The following TANC2 variants were observed in gnomAD, a reference collection of about 807,000 sequenced individuals.
The protein encoded by TANC2 is tetratricopeptide repeat, ankyrin repeat and coiled-coil containing 2.
TANC2 carries 26 observed loss-of-function variants against 210.5 expected under a neutral mutation model. The ratio of observed to expected loss-of-function variants is 0.12; its 90% CI spans 0.09 to 0.17. The LOEUF (loss-of-function observed/expected upper bound fraction) is 0.17, where lower values mean the gene tolerates loss of function less well. Ranked by LOEUF, TANC2 falls within the 10% of genes least tolerant of loss-of-function variation. The pLI is 1.00. For missense variants in TANC2, 2,129 were observed against 2,608.9 expected (o/e 0.82, Z 4.01); for synonymous variants, 931 against 967.1 (o/e 0.96, Z 0.69).
intron 2 of TANC2, among the ~76,000 whole-genome samples, chr17:63,044,091 A>C (rs2035290480): frequency 6.6e-6 from 1 of 152,054 alleles, no homozygotes; most frequent in Non-Finnish European, 1.5e-5. Flanking sequence ...AATTTTCTTA[A>C]ATGTTCATCT....
intron 3 of TANC2, 27 bp from the exon 4 acceptor site, chr17:63,099,148 C>T (rs377375861): frequency 9.7e-5 from 155 of 1,604,674 alleles, no homozygotes; most frequent in Middle Eastern, 5.0e-4. Flanking sequence ...TTCTCACCAG[C>T]TCTTTTGTTC....
intron 3 of TANC2, among the ~76,000 whole-genome samples, chr17:63,087,259 A>G (rs1174109272): frequency 4.6e-5 from 7 of 152,164 alleles, no homozygotes; most frequent in Non-Finnish European, 7.3e-5. Context: ...AAAGGTAGAC[A>G]TGATGTTTTG....
At chr17:63,099,043 G>T in intron 3 of TANC2, 132 bp from the exon 4 acceptor site, 1 of 855,844 alleles carries the variant, frequency 1.2e-6, no homozygotes, top group East Asian at 2.7e-5. Flanking sequence ...AGAAATGAAT[G>T]CATGTAGTGA....
intron 15 of TANC2, among the ~76,000 whole-genome samples, chr17:63,383,846 T>A (rs911337169): frequency 6.6e-6 from 1 of 152,176 alleles, no homozygotes; most frequent in Non-Finnish European, 1.5e-5. Flanking sequence ...ATCAGTAGTA[T>A]TTTTGAAAAG....
At chr17:63,060,469 A>G (rs1255039564) in intron 2 of TANC2, among the ~76,000 whole-genome samples, 1 of 151,994 alleles carries the variant, frequency 6.6e-6, no homozygotes, top group Non-Finnish European at 1.5e-5. Flanking sequence ...AGAAATACAA[A>G]AATTAGCTGG....
intron 5 of TANC2, among the ~76,000 whole-genome samples, chr17:63,165,275 TA>T (rs111828360): frequency 7.3e-5 from 11 of 149,960 alleles, no homozygotes; most frequent in African/African-American, 2.5e-4. Context: ...AGACCCTATT[TA>T]AAAAAAAAAG....
chr17:63,300,676 T>G (rs1363100012), intron 9 of TANC2, among the ~76,000 whole-genome samples: 1 of 152,194 alleles, frequency 6.6e-6, no homozygotes, highest in African/African-American at 2.4e-5. Context: ...AAGGAGTTTT[T>G]GGGCTGAGAT....
Position 63,418,989 on chromosome 17 carries a change from C to T in TANC2, c.4268+582C>T, listed in dbSNP as rs1009058334. 3.9e-5 allele frequency among the ~76,000 whole-genome samples: 6 copies of T among 152,190 alleles called. No individual in the cohort carries two copies. The highest frequency in any genetic ancestry group is 3.9e-4 in the Admixed American group (6 of 15,272). On this transcript the variant is annotated intron_variant, in intron 27 of 27. Transcript: ENST00000689528. The surrounding 1 kb of genome is among the most constrained non-coding windows in gnomAD (Gnocchi z 4.6). ...GAGGACCCTCTAAGAGAACACCATT[C>T]CACATTCCTTGTGCCCATCTGCTTT...
intron 14 of TANC2, among the ~76,000 whole-genome samples, chr17:63,363,627 C>CAA (rs2047026222): frequency 6.6e-6 from 1 of 152,164 alleles, no homozygotes; most frequent in Admixed American, 6.5e-5. Context: ...GTCCTTTCCC[C>CAA]AAAGTATGTT....
At chr17:63,248,147 T>A (rs1166181944) in intron 8 of TANC2, among the ~76,000 whole-genome samples, 1 of 152,080 alleles carries the variant, frequency 6.6e-6, no homozygotes, top group South Asian at 2.1e-4. Context: ...AATTAAATTT[T>A]CTCGTCTCAG....
At chr17:63,073,954 G>A (rs764916506) in exon 3 of TANC2, 1 of 1,585,806 alleles carries the variant, frequency 6.3e-7, no homozygotes, top group Non-Finnish European at 8.6e-7. Flanking sequence ...TGGAGGGAGC[G>A]AGGAACCACC....
At chr17:63,064,554 T>G (rs1264435784) in intron 2 of TANC2, among the ~76,000 whole-genome samples, 1 of 152,216 alleles carries the variant, frequency 6.6e-6, no homozygotes, top group Non-Finnish European at 1.5e-5. Flanking sequence ...TCTCTTAAGC[T>G]TGATCTAATA....
intron 4 of TANC2, among the ~76,000 whole-genome samples, chr17:63,124,092 A>G (rs1036640025): frequency 3.9e-5 from 6 of 152,278 alleles, no homozygotes; most frequent in Middle Eastern, 3.4e-3. Flanking sequence ...ATGTTTACTC[A>G]TTTTGTCTTT....
At chr17:63,366,486 T>G (rs1312900593) in intron 14 of TANC2, among the ~76,000 whole-genome samples, 1 of 152,170 alleles carries the variant, frequency 6.6e-6, no homozygotes, top group Non-Finnish European at 1.5e-5. Context: ...AAACTGACAT[T>G]TCAGTGGAGT....
At chr17:63,240,769 G>T (rs1385271598) in intron 8 of TANC2, among the ~76,000 whole-genome samples, 1 of 152,142 alleles carries the variant, frequency 6.6e-6, no homozygotes, top group Non-Finnish European at 1.5e-5. Flanking sequence ...CTAATTCCTA[G>T]CCACCTTCCC....
Position 63,421,209 on chromosome 17 carries a change from G to T in TANC2, c.5479G>T (p.Gly1827Cys). 6.2e-7 allele frequency: 1 copy of T among 1,613,992 alleles called. No homozygotes were observed. The highest frequency in any genetic ancestry group is 8.5e-7 in the Non-Finnish European group (1 of 1,179,892). ...TCTGGAGCGCTCCTCCAGCCAACTA[G>T]GTTCCCCTGATGTGTCGCATTTAAT... The change falls in exon 28 of 28, where the codon GGT becomes TGT. Residue 1827 changes from glycine to cysteine, a missense_variant. Transcript: ENST00000689528. The surrounding 1 kb of genome is among the most constrained non-coding windows in gnomAD (Gnocchi z 6.9).
At chr17:63,086,984 A>C (rs1256521743) in intron 3 of TANC2, among the ~76,000 whole-genome samples, 1 of 152,232 alleles carries the variant, frequency 6.6e-6, no homozygotes, top group African/African-American at 2.4e-5. Flanking sequence ...CCCAGCCTGC[A>C]GCGGCAACTC....
At chr17:63,007,072 G>T (rs1415141801) in intron 1 of TANC2, among the ~76,000 whole-genome samples, 1 of 149,792 alleles carries the variant, frequency 6.7e-6, no homozygotes, top group African/African-American at 2.5e-5. Context: ...AAAAAAAAAT[G>T]AGAAAAATTA....
chr17:63,382,201 C>G (rs2047635281), intron 15 of TANC2, among the ~76,000 whole-genome samples: 1 of 152,212 alleles, frequency 6.6e-6, no homozygotes, highest in Non-Finnish European at 1.5e-5. Flanking sequence ...TCTTATGTAT[C>G]TAGTCCAGCC....
Sources: gnomAD v4.1 joint callset for allele counts (sites outside exome capture counted in the v4.1 genomes callset) on GRCh38, gnomAD v4.1.1 for gene constraint, Gnocchi (gnomAD v3.1) non-coding constraint, MANE v1.5 for transcripts, NCBI Gene and HGNC (gene_info 2026-07-23, HGNC 2026-07-21) for gene names.